Variants in ACACA observed in about 807,000 individuals in gnomAD.
ACACA encodes acetyl-CoA carboxylase 1.
ACACA carries 103 observed loss-of-function variants against 296.1 expected under a neutral mutation model. The ratio of observed to expected loss-of-function variants is 0.35; its 90% CI spans 0.30 to 0.41. ACACA has a LOEUF of 0.41. Among genes scored for constraint, ACACA ranks in the 10% least tolerant of loss-of-function variants. The pLI, the probability that ACACA is intolerant of heterozygous loss-of-function variation, is 1.00. For synonymous variants in ACACA, 953 were observed against 1,038.6 expected, an observed-to-expected ratio of 0.92 and a Z score of 1.58; for missense variants, 1,554 against 2,989.7, an observed-to-expected ratio of 0.52 and a Z score of 11.20.
In ACACA at chr17:37,129,453, T is replaced by G. The variant is rs145205730; in HGVS notation, c.5856A>C (p.Ser1952=). 6.2e-7 allele frequency: 1 copy of G among 1,614,098 alleles called. No homozygotes were observed. The highest frequency in any genetic ancestry group is 2.2e-5 in the East Asian group (1 of 44,868). Reference sequence around the variant, plus strand: ...CGATGATTCTGTCTATAGGATCCTTTGAGTTCAGAAGAGGAACTGAACTGT... The same window carrying G: ...CGATGATTCTGTCTATAGGATCCTTGGAGTTCAGAAGAGGAACTGAACTGT... ...SVHSSVPLLN[S]KDPIDRIIEF... The change falls in exon 47 of 56, where the codon TCA becomes TCC. Residue 1952 remains serine (S), a synonymous_variant. Transcript: ENST00000616317.
intron 35 of ACACA, among the ~76,000 whole-genome samples, chr17:37,199,013 G>C (rs550920127): frequency 2.0e-5 from 3 of 152,282 alleles, no homozygotes; most frequent in South Asian, 4.2e-4. Flanking sequence ...GCTGAGGCGG[G>C]CAGATCACCT....
rs34538373 is a variant in ACACA, at chr17:37,297,446, G to GAA, written c.339-12478_339-12477dup. On this transcript the variant is annotated intron_variant, in intron 3 of 55. Transcript: ENST00000616317. The stretch of plus-strand genomic sequence containing the variant: ...ACAAAAGTGAAACTCTGTCTCGAAA[G>GAA]AAAAAAAAAAAAAACCACACACACA... Among the ~76,000 whole-genome samples, 423 of 116,574 alleles carry GAA rather than the reference G, an allele frequency of 3.6e-3. 5 individuals carry two copies. Among genetic ancestry groups the GAA allele is most frequent in the African/African-American group, 0.01 (356 of 34,976 alleles). The allele number at this position is 116,574 out of a possible 152,430, so 76.5% of individuals were successfully genotyped here.
intron 39 of ACACA, among the ~76,000 whole-genome samples, chr17:37,185,725 C>A (rs192270948): frequency 3.7e-4 from 56 of 152,016 alleles, no homozygotes; most frequent in Admixed American, 1.6e-3. Context: ...CCTGCCACCA[C>A]TCCCGGCTAA....
chr17:37,287,359 T>C (rs1352851345), intron 3 of ACACA, among the ~76,000 whole-genome samples: 5 of 152,104 alleles, frequency 3.3e-5, no homozygotes, highest in Admixed American at 3.3e-4. Context: ...TAAAACTCAA[T>C]GAGTGGGCAT....
At chr17:37,333,991 T>C (rs571605249) in intron 2 of ACACA, among the ~76,000 whole-genome samples, 3 of 151,922 alleles carry the variant, frequency 2.0e-5, no homozygotes, top group Non-Finnish European at 4.4e-5. Context: ...AGAGTGACAA[T>C]GGCCCTGCTT....
intron 35 of ACACA, among the ~76,000 whole-genome samples, chr17:37,194,176 AGTGCTG>A (rs2077886162): frequency 6.6e-6 from 1 of 152,166 alleles, no homozygotes; most frequent in African/African-American, 2.4e-5. Context: ...CTCTACTGGC[AGTGCTG>A]GAATCAAATC....
intron 25 of ACACA, among the ~76,000 whole-genome samples, chr17:37,227,655 T>C (rs949104501): frequency 2.6e-5 from 4 of 151,904 alleles, no homozygotes; most frequent in African/African-American, 9.7e-5. Flanking sequence ...GATCACGAGG[T>C]CGAGACCATC....
intron 1 of ACACA, among the ~76,000 whole-genome samples, chr17:37,393,867 T>C: frequency 6.6e-6 from 1 of 152,114 alleles, no homozygotes. Context: ...ACTGACTTTA[T>C]AGAAATTCAC....
intron 45 of ACACA, among the ~76,000 whole-genome samples, chr17:37,139,190 T>C (rs1431410967): frequency 1.3e-5 from 2 of 152,098 alleles, no homozygotes; most frequent in African/African-American, 4.8e-5. Context: ...GAATATAAAA[T>C]GAAGAAGACG....
chr17:37,252,243 T>A lies in ACACA; in HGVS notation c.1978-135A>T, dbSNP rs1313938444. On this transcript the variant is annotated intron_variant, in intron 15 of 55. Transcript: ENST00000616317. ...TCTCCATTCTCACTGCCCAACTGAT[T>A]TTTTAGATAAAAATGAACACATTCA... 7 of 742,352 alleles carry A rather than the reference T, an allele frequency of 9.4e-6. No homozygotes were observed. The East Asian group carries it at 1.9e-4, about 20-fold the overall frequency. 46.0% of individuals were successfully genotyped at this position (742,352 alleles called of 1,614,324 possible).
chr17:37,284,801 T>G, intron 4 of ACACA, 37 bp downstream of exon 4: 1 of 1,613,904 alleles, frequency 6.2e-7, no homozygotes, highest in African/African-American at 1.3e-5. Flanking sequence ...AAATCCTAAG[T>G]GCTTTTGACA....
At chr17:37,260,275 TATATATATATATATATATATA>T (rs1183569586) in intron 11 of ACACA, among the ~76,000 whole-genome samples, 1,040 of 31,638 alleles carry the variant, frequency 0.033, 38 homozygotes, top group Non-Finnish European at 0.04. Flanking sequence ...TATATATATA[TATATATATATATATATATATA>T]TTTTTTTTTT....
chr17:37,151,453 GT>G, intron 43 of ACACA, 32 bp from the exon 44 acceptor site: 1 of 1,611,308 alleles, frequency 6.2e-7, no homozygotes. Context: ...AATTATGAAT[GT>G]TAAACACAGT....
intron 3 of ACACA, among the ~76,000 whole-genome samples, chr17:37,291,148 A>G (rs1399017124): frequency 1.0e-5 from 1 of 97,940 alleles, no homozygotes; most frequent in Non-Finnish European, 1.9e-5. Flanking sequence ...ACACATACAC[A>G]CACACACACA....
chr17:37,147,988 T>C (rs2075882121), intron 45 of ACACA, among the ~76,000 whole-genome samples: 1 of 152,078 alleles, frequency 6.6e-6, no homozygotes, highest in Non-Finnish European at 1.5e-5. Flanking sequence ...ATTCTTTGTA[T>C]ATAATATAGT....
intron 25 of ACACA, among the ~76,000 whole-genome samples, chr17:37,234,286 C>T (rs146071807): frequency 6.6e-6 from 1 of 152,286 alleles, no homozygotes; most frequent in East Asian, 1.9e-4. Context: ...CCAGAATGAG[C>T]TAGGAGTGAA....
chr17:37,089,676 T>C (rs2072477670), intron 54 of ACACA, among the ~76,000 whole-genome samples: 2 of 152,172 alleles, frequency 1.3e-5, no homozygotes, highest in African/African-American at 4.8e-5. Flanking sequence ...AAGCCCCATT[T>C]TATTACCTAT....
intron 8 of ACACA, 40 bp from the exon 9 acceptor site, chr17:37,274,339 T>G: frequency 6.6e-7 from 1 of 1,524,938 alleles, no homozygotes; most frequent in Non-Finnish European, 9.1e-7. Flanking sequence ...TTACAAGATC[T>G]TCTGCTCTTG....
At chr17:37,253,312 A>G (rs900872430) in intron 14 of ACACA, among the ~76,000 whole-genome samples, 1 of 152,124 alleles carries the variant, frequency 6.6e-6, no homozygotes, top group South Asian at 2.1e-4. Flanking sequence ...GAATGGCGTG[A>G]ACCCGGGAGG....
Sources: allele counts gnomAD v4.1 joint callset (sites outside exome capture counted in the v4.1 genomes callset), GRCh38; gene constraint gnomAD v4.1.1; transcripts MANE v1.5; gene names NCBI Gene and HGNC (gene_info 2026-07-23, HGNC 2026-07-21).